Variants in IFT140 observed in about 807,000 individuals in gnomAD.
IFT140 encodes intraflagellar transport protein 140 homolog.
IFT140 carries 133 observed loss-of-function variants against 164.6 expected under a neutral mutation model. That is an observed-to-expected ratio of 0.81 (90% confidence interval 0.70 to 0.93). The LOEUF is 0.93. Ranked by LOEUF, IFT140 falls within the 40% of genes least tolerant of loss-of-function variation. The pLI is 0.00. For synonymous variants in IFT140, 860 were observed against 817.3 expected (o/e 1.05, Z -0.89); for missense variants, 2,045 against 1,972.3 (o/e 1.04, Z -0.70).
chr16:1,570,303 A>G (rs1416837300), intron 14 of IFT140, among the ~76,000 whole-genome samples: 2 of 152,128 alleles, frequency 1.3e-5, no homozygotes, highest in African/African-American at 4.8e-5. Context: ...GGGTACATTG[A>G]TACAGACCTA....
intron 30 of IFT140, among the ~76,000 whole-genome samples, chr16:1,511,416 C>G (rs558397325): frequency 6.6e-6 from 1 of 152,306 alleles, no homozygotes; most frequent in East Asian, 1.9e-4. Context: ...AGAGCCAGGG[C>G]CCTGGAAAGT....
chr16:1,574,034 C>G (rs1197537035), intron 13 of IFT140, among the ~76,000 whole-genome samples: 1 of 152,168 alleles, frequency 6.6e-6, no homozygotes, highest in Non-Finnish European at 1.5e-5. Flanking sequence ...TAGCTGAGAA[C>G]TAACCTGATA....
chr16:1,537,309 G>C (rs188079235), intron 19 of IFT140, among the ~76,000 whole-genome samples: 1 of 152,246 alleles, frequency 6.6e-6, no homozygotes. Flanking sequence ...TGAGGCCCGC[G>C]TGGATGTCTC....
chr16:1,541,727 G>A lies in IFT140; in HGVS notation c.2400-14931C>T, dbSNP rs1404200282. 2.6e-5 allele frequency among the ~76,000 whole-genome samples: 4 copies of A among 152,286 alleles called. No homozygotes were observed. The East Asian group carries it at 7.8e-4, about 30-fold the overall frequency. ...TGGGATGAACCCTTCCCATCAGGAA[G>A]ACATGGGACCCAGGGCTTGCAGGCA... On this transcript the variant is annotated intron_variant, in intron 19 of 30. Transcript: ENST00000426508.
intron 3 of IFT140, 94 bp from the exon 4 acceptor site, chr16:1,602,685 T>A: frequency 8.8e-7 from 1 of 1,140,296 alleles, no homozygotes; most frequent in Non-Finnish European, 1.3e-6. Flanking sequence ...CTCACTCCTG[T>A]AATTACAGCA....
rs755982803 is a variant in IFT140 at position 1,526,093 on chromosome 16, G to A, written c.2578-16C>T. 10 of 1,568,294 alleles carry A rather than the reference G, an allele frequency of 6.4e-6. No homozygotes were observed. The South Asian group carries it at 8.2e-5, about 13-fold the overall frequency. Reference sequence around the variant, plus strand: ...CGGCGTCCTCCTGAGGAATGAGGATGGGCAGGTGTCGTGCAGCCTCCACAC... The same window carrying A: ...CGGCGTCCTCCTGAGGAATGAGGATAGGCAGGTGTCGTGCAGCCTCCACAC... On this transcript the variant is annotated splice_polypyrimidine_tract_variant and intron_variant, in intron 20 of 30. Coordinates refer to ENST00000426508, the MANE Select transcript of IFT140 (RefSeq NM_014714.4).
At position 1,572,273 on chromosome 16, in the gene IFT140, G is replaced by A. The variant is rs118184516; in HGVS notation, c.1525-739C>T. On this transcript the variant is annotated intron_variant, in intron 13 of 30. Transcript: ENST00000426508. ...GGGTTTTGAGCTGGGAAGTGATTTC[G>A]CATCATTTATATTTTCAAAGCATCA... is the stretch of plus-strand genomic sequence containing the variant. Among the ~76,000 whole-genome samples, 124 of 152,226 alleles carry A rather than the reference G, an allele frequency of 8.1e-4. 2 individuals carry two copies. The East Asian group carries it at 0.024, about 29-fold the overall frequency.
At chr16:1,532,079 G>A (rs1374629567) in intron 19 of IFT140, 2 of 152,316 alleles carry the variant, frequency 1.3e-5, no homozygotes, top group Non-Finnish European at 1.5e-5. Flanking sequence ...CTGAGTGTTT[G>A]AGACACTGCA....
Position 1,525,963 on chromosome 16 carries a change from C to T in IFT140, c.2692G>A (p.Val898Met), listed in dbSNP as rs369457143. 165 of 1,584,794 alleles carry T rather than the reference C, an allele frequency of 1.0e-4. 4 individuals carry two copies. The Middle Eastern group carries it at 1.6e-3, about 15-fold the overall frequency. ...CGGTGGTAGGTGCTGCGCAGGTGCA[C>T]GCGATCGTGGTGCTCGGCTACCTGG... ...ALQVAEHHDR[V>M]HLRSTYHRYA... The change falls in exon 21 of 31, where the codon GTG becomes ATG. Residue 898 changes from valine (V) to methionine (M), a missense_variant. Physicochemically the swap from Val to Met is conservative, Grantham distance 21. Transcript: ENST00000426508.
In IFT140 at chr16:1,584,308, G is replaced by T. The variant is rs1463121305; in HGVS notation, c.1268C>A (p.Ser423Tyr). ...FHQQVAAMQV[S>Y]PSLLNVCFLS... The stretch of plus-strand genomic sequence containing the variant: ...GAAGCACACATTCAGCAGACTCGGG[G>T]AGACCTGCATGGCGGCCACTTGCTG... The change falls in exon 11 of 31, where the codon TCC (serine) becomes TAC (tyrosine). Residue 423 changes from serine to tyrosine, a missense_variant. Ser to Tyr is a moderately radical substitution (Grantham distance 144). Coordinates refer to ENST00000426508, the MANE Select transcript of IFT140 (RefSeq NM_014714.4). The T allele has an allele frequency of 1.2e-6, 2 of 1,613,836 alleles. No individual in the cohort carries two copies. Among genetic ancestry groups the T allele is most frequent in the Non-Finnish European group, 1.7e-6 (2 of 1,180,012 alleles).
intron 13 of IFT140, among the ~76,000 whole-genome samples, chr16:1,579,839 C>T (rs928688242): frequency 3.3e-5 from 5 of 152,008 alleles, no homozygotes; most frequent in African/African-American, 1.2e-4. Flanking sequence ...TGGCGCACAC[C>T]TGTAGTCCTA....
chr16:1,524,267 C>T, intron 24 of IFT140: 2 of 603,300 alleles, frequency 3.3e-6, no homozygotes, highest in East Asian at 2.9e-5. Flanking sequence ...GAAGGGTCTG[C>T]CGTCTGCAAG....
At chr16:1,606,523 T>A (rs148952482) in intron 3 of IFT140, among the ~76,000 whole-genome samples, 1 of 152,216 alleles carries the variant, frequency 6.6e-6, no homozygotes, top group Non-Finnish European at 1.5e-5. Flanking sequence ...CGCAATGGCG[T>A]GATCGCCGCT....
At chr16:1,574,712 C>T (rs1381429877) in intron 13 of IFT140, among the ~76,000 whole-genome samples, 3 of 152,184 alleles carry the variant, frequency 2.0e-5, no homozygotes, top group Admixed American at 6.5e-5. Flanking sequence ...CCACCTCCCA[C>T]CACCAACTGG....
chr16:1,524,588 C>T lies in IFT140; in HGVS notation c.3105G>A (p.Arg1035=). The change falls in exon 24 of 31, where the codon CGG becomes CGA. Residue 1035 remains arginine, a synonymous_variant. Coordinates refer to ENST00000426508, the MANE Select transcript of IFT140 (RefSeq NM_014714.4). The stretch of plus-strand genomic sequence containing the variant: ...GGATGGCATTCTTGAAGGCCTGTGC[C>T]CGGGTGTAGAAGTGCACCGCCTGCC... ...EVGQAVHFYT[R]AQAFKNAIRL... 1 of 1,611,056 alleles carries T rather than the reference C, an allele frequency of 6.2e-7. No homozygotes were observed. Among genetic ancestry groups the T allele is most frequent in the Non-Finnish European group, 8.5e-7 (1 of 1,178,524 alleles).
rs182765411 is a variant in IFT140, at chr16:1,565,827, C to G, written c.1901+334G>C. 3.4e-3 allele frequency among the ~76,000 whole-genome samples: 524 copies of G among 152,312 alleles called. 6 individuals are homozygous for G. Among genetic ancestry groups the G allele is most frequent in the African/African-American group, 0.012 (502 of 41,566 alleles). The stretch of plus-strand genomic sequence containing the variant: ...AGTACATTCTTTAAACAGGCAAATG[C>G]CCCCCTACATGAGAGACGCGGATGG... On this transcript the variant is annotated intron_variant, in intron 16 of 30. Coordinates refer to ENST00000426508, the MANE Select transcript of IFT140 (RefSeq NM_014714.4).
chr16:1,558,974 G>A (rs537411795), intron 18 of IFT140, among the ~76,000 whole-genome samples: 17 of 152,216 alleles, frequency 1.1e-4, no homozygotes, highest in Non-Finnish European at 1.6e-4. Flanking sequence ...TGGGCGAGAC[G>A]GCACTTGGCC....
At chr16:1,558,765 C>T (rs1204853212) in intron 18 of IFT140, among the ~76,000 whole-genome samples, 5 of 152,238 alleles carry the variant, frequency 3.3e-5, no homozygotes, top group African/African-American at 4.8e-5. Flanking sequence ...ATCTGGATCC[C>T]GTTTCTCTGA....
In IFT140 at chr16:1,520,313, T is replaced by C; in HGVS notation, c.3691A>G (p.Thr1231Ala). The C allele has an allele frequency of 1.2e-6, 2 of 1,614,202 alleles. No homozygotes were observed. The highest frequency in any genetic ancestry group is 1.3e-5 in the African/African-American group (1 of 75,074). The change falls in exon 28 of 31, where the codon ACG (threonine) becomes GCG (alanine). Residue 1231 changes from threonine to alanine, a missense_variant. By Grantham distance (58) the Thr-to-Ala change is moderately conservative. Coordinates refer to ENST00000426508, the MANE Select transcript of IFT140 (RefSeq NM_014714.4). ...CTCGCGAAGAACGTGATTTTCTCCG[T>C]GTCTCCGGATTTGAGCAGCGCCCTC... ...AMRALLKSGD[T>A]EKITFFASVS... is the part of the protein sequence containing the mutation.
Sources: allele counts gnomAD v4.1 joint callset (sites outside exome capture counted in the v4.1 genomes callset), GRCh38; gene constraint gnomAD v4.1.1; transcripts MANE v1.5; gene names NCBI Gene and HGNC (gene_info 2026-07-23, HGNC 2026-07-21).